The following ECM2 variants were observed in gnomAD, a reference collection of about 807,000 sequenced individuals.
ECM2 encodes extracellular matrix protein 2.
ECM2 carries 57 observed loss-of-function variants against 67.5 expected under a neutral mutation model. That is an observed-to-expected ratio of 0.84 (90% CI 0.68 to 1.05). The LOEUF (loss-of-function observed/expected upper bound fraction) is 1.05. ECM2 is among the 50% of genes least tolerant of loss of function. The pLI is 0.00. For missense variants in ECM2, 741 were observed against 822.8 expected (o/e 0.90, Z 1.22); for synonymous variants, 258 against 294.5 (o/e 0.88, Z 1.27).
At chr9:92,496,555 T>C in intron 9 of ECM2, 72 bp from the exon 10 acceptor site, 2 of 1,542,340 alleles carry the variant, frequency 1.3e-6, no homozygotes, top group Non-Finnish European at 1.7e-6. Context: ...AAGTTTAACA[T>C]TTGTTAAAAA....
chr9:92,557,396 A>G, the ECM2 span, among the ~76,000 whole-genome samples: 3 of 152,194 alleles, frequency 2.0e-5, no homozygotes, highest in African/African-American at 7.2e-5. Flanking sequence ...GTTTTCCTCA[A>G]TTATTCCCCC....
the ECM2 span, among the ~76,000 whole-genome samples, chr9:92,548,927 A>C: frequency 6.6e-6 from 1 of 152,212 alleles, no homozygotes; most frequent in Admixed American, 6.6e-5. Flanking sequence ...TAAAGGCCAA[A>C]GAAAAGCCAA....
intron 2 of ECM2, 93 bp downstream of exon 2, chr9:92,522,482 A>G (rs1341577515): frequency 1.2e-5 from 15 of 1,220,908 alleles, no homozygotes; most frequent in Non-Finnish European, 1.6e-5. Flanking sequence ...CTTCATGGAG[A>G]TGTTCTCCCT....
At chr9:92,535,055 T>C (rs1189675860) in intron 1 of ECM2, among the ~76,000 whole-genome samples, 1 of 152,150 alleles carries the variant, frequency 6.6e-6, no homozygotes, top group Non-Finnish European at 1.5e-5. Flanking sequence ...AGCACACCCC[T>C]CTCTCCCAGT....
chr9:92,550,677 A>G, the ECM2 span, among the ~76,000 whole-genome samples: 3 of 152,156 alleles, frequency 2.0e-5, no homozygotes, highest in African/African-American at 4.8e-5. Flanking sequence ...GTACAAATGA[A>G]GTTTCACATA....
At chr9:92,520,624 T>C (rs141871228) in intron 2 of ECM2, among the ~76,000 whole-genome samples, 64 of 152,222 alleles carry the variant, frequency 4.2e-4, no homozygotes, top group African/African-American at 1.5e-3. Flanking sequence ...CCCAAAAGAA[T>C]TGAAAATAGG....
intron 1 of ECM2, among the ~76,000 whole-genome samples, chr9:92,534,440 T>G (rs1849044588): frequency 6.6e-6 from 1 of 152,194 alleles, no homozygotes; most frequent in East Asian, 1.9e-4. Flanking sequence ...GTCTCTAAAG[T>G]ATCTTCATGC....
the ECM2 span, among the ~76,000 whole-genome samples, chr9:92,557,108 A>G: frequency 2.0e-5 from 3 of 152,222 alleles, no homozygotes; most frequent in Non-Finnish European, 4.4e-5. Flanking sequence ...GCTGAATACA[A>G]AATTATTGGC....
upstream of ECM2, among the ~76,000 whole-genome samples, chr9:92,537,371 G>A (rs977498943): frequency 6.6e-6 from 1 of 152,016 alleles, no homozygotes; most frequent in African/African-American, 2.4e-5. Flanking sequence ...TTTTAAAAAT[G>A]TAAAACTAGC....
At chr9:92,505,462 A>G (rs1846943845) in intron 7 of ECM2, 71 bp downstream of exon 7, 1 of 1,303,768 alleles carries the variant, frequency 7.7e-7, no homozygotes, top group Admixed American at 2.4e-5. Context: ...ATAGTCTTAA[A>G]ATATATTTTG....
intron 2 of ECM2, among the ~76,000 whole-genome samples, chr9:92,521,844 T>G (rs1291659129): frequency 6.6e-6 from 1 of 152,202 alleles, no homozygotes; most frequent in Non-Finnish European, 1.5e-5. Context: ...AATTTATTTC[T>G]GTATTCTAGA....
chr9:92,550,768 T>A, the ECM2 span, among the ~76,000 whole-genome samples: 1 of 152,186 alleles, frequency 6.6e-6, no homozygotes, highest in Non-Finnish European at 1.5e-5. Context: ...TATCTTGAAA[T>A]GTGTCCTTCA....
the ECM2 span, among the ~76,000 whole-genome samples, chr9:92,544,987 G>C: frequency 6.6e-6 from 1 of 152,158 alleles, no homozygotes; most frequent in Non-Finnish European, 1.5e-5. Flanking sequence ...CCGCTCCAGA[G>C]TGCTGGGATT....
chr9:92,495,229 A>G, downstream of ECM2: 1 of 587,858 alleles, frequency 1.7e-6, no homozygotes, highest in Non-Finnish European at 2.1e-6. Context: ...CCTAGCCAAG[A>G]CATAAAACTG....
upstream of ECM2, among the ~76,000 whole-genome samples, chr9:92,540,663 C>A (rs1036621400): frequency 6.8e-6 from 1 of 146,122 alleles, no homozygotes; most frequent in Non-Finnish European, 1.5e-5. Context: ...CGCAGCTACT[C>A]GGGAGGCTGA....
Position 92,505,625 on chromosome 9 carries a change from A to C in ECM2, c.1372T>G (p.Leu458Val). 6.2e-7 allele frequency: 1 copy of C among 1,610,516 alleles called. No individual in the cohort carries two copies. Reference sequence around the variant, plus strand: ...AGGCTCTTCAAAGGTTTGAAAGCTAAAGGATTGACATTGGCTTCACTGAGA... The same window carrying C: ...AGGCTCTTCAAAGGTTTGAAAGCTACAGGATTGACATTGGCTTCACTGAGA... ...NNLSEANVNP[L>V]AFKPLKSLAY... Residue 458 changes from leucine to valine, a missense_variant, in exon 7 of 10, where the codon TTA becomes GTA. By Grantham distance (32) the Leu-to-Val change is conservative. Transcript: ENST00000344604.
chr9:92,497,685 A>G (rs928535060), intron 9 of ECM2, among the ~76,000 whole-genome samples: 5 of 151,654 alleles, frequency 3.3e-5, no homozygotes, highest in Admixed American at 2.6e-4. Context: ...CACATACCCC[A>G]TAAGGTTTGG....
At chr9:92,532,121 G>A (rs542857926) in intron 1 of ECM2, among the ~76,000 whole-genome samples, 1 of 142,242 alleles carries the variant, frequency 7.0e-6, no homozygotes, top group Non-Finnish European at 1.5e-5. Context: ...TCAACCTTTC[G>A]AGTAGCTGGG....
chr9:92,523,274 T>C (rs1326810847), intron 1 of ECM2, among the ~76,000 whole-genome samples: 1 of 152,164 alleles, frequency 6.6e-6, no homozygotes, highest in African/African-American at 2.4e-5. Flanking sequence ...CCTTTATCTT[T>C]AGACCAGGAA....
Sources: allele counts gnomAD v4.1 joint callset (sites outside exome capture counted in the v4.1 genomes callset), GRCh38; gene constraint gnomAD v4.1.1; transcripts MANE v1.5; gene names NCBI Gene and HGNC (gene_info 2026-07-23, HGNC 2026-07-21).